The following RBM20 variants were observed in gnomAD, a reference collection of about 807,000 sequenced individuals.
RBM20 encodes the protein RNA binding motif protein 20, also known as RNA-binding protein 20.
In RBM20, 51 loss-of-function variants were observed where a neutral mutation model predicts 110.1. The observed-to-expected ratio is 0.46, with a 90% CI of 0.37 to 0.59. RBM20 has a LOEUF of 0.59. Among genes scored for constraint, RBM20 ranks in the 20% least tolerant of loss-of-function variants. RBM20 has a pLI of 0.00. For missense variants in RBM20, 1,512 were observed against 1,574.9 expected (o/e 0.96, Z 0.68); for synonymous variants, 589 against 618.2 (o/e 0.95, Z 0.70).
At chr10:110,676,927 T>C (rs1477863958) in intron 1 of RBM20, among the ~76,000 whole-genome samples, 2 of 152,268 alleles carry the variant, frequency 1.3e-5, no homozygotes, top group Non-Finnish European at 2.9e-5. Context: ...TTTTAAAATT[T>C]TCAAGTAAGG....
intron 1 of RBM20, among the ~76,000 whole-genome samples, chr10:110,765,965 T>C (rs1163961905): frequency 2.0e-5 from 3 of 152,238 alleles, no homozygotes; most frequent in Admixed American, 1.3e-4. Flanking sequence ...TGGAATTTGA[T>C]ATTTCGAATG....
intron 1 of RBM20, among the ~76,000 whole-genome samples, chr10:110,685,478 G>A (rs1410392539): frequency 6.6e-6 from 1 of 152,138 alleles, no homozygotes; most frequent in Non-Finnish European, 1.5e-5. Context: ...GATAGCTCTG[G>A]CATTTAAACA....
intron 1 of RBM20, among the ~76,000 whole-genome samples, chr10:110,664,592 C>A (rs1467497046): frequency 6.6e-6 from 1 of 151,800 alleles, no homozygotes; most frequent in South Asian, 2.1e-4. Flanking sequence ...ACTAAAAATA[C>A]AAAAATTAGC....
chr10:110,740,243 A>T (rs1204046206), intron 1 of RBM20, among the ~76,000 whole-genome samples: 2 of 152,154 alleles, frequency 1.3e-5, no homozygotes, highest in Non-Finnish European at 2.9e-5. Context: ...AGGTGGAGTA[A>T]TGTTGACCTT....
chr10:110,810,816 CGT>C, intron 8 of RBM20, among the ~76,000 whole-genome samples: 2 of 140,708 alleles, frequency 1.4e-5, no homozygotes, highest in African/African-American at 5.2e-5. Flanking sequence ...TGTGTGTGTG[CGT>C]GTGTGCGTGT....
At chr10:110,810,567 C>A (rs1458119244) in intron 8 of RBM20, 105 bp downstream of exon 8, 3 of 729,624 alleles carry the variant, frequency 4.1e-6, no homozygotes, top group Non-Finnish European at 6.7e-6. Flanking sequence ...CCTGTTCTTG[C>A]CCCTACCCCA....
intron 5 of RBM20, among the ~76,000 whole-genome samples, chr10:110,795,748 G>T (rs1844542667): frequency 6.6e-6 from 1 of 152,180 alleles, no homozygotes; most frequent in African/African-American, 2.4e-5. Flanking sequence ...CTTCCACATT[G>T]GGTTGGCTTA....
At chr10:110,748,539 G>A (rs1828769886) in intron 1 of RBM20, among the ~76,000 whole-genome samples, 1 of 152,198 alleles carries the variant, frequency 6.6e-6, no homozygotes, top group Admixed American at 6.5e-5. Context: ...CAGGGAGAAT[G>A]TACTGGACTT....
intron 9 of RBM20, among the ~76,000 whole-genome samples, chr10:110,816,070 T>C (rs894984409): frequency 2.6e-5 from 4 of 152,190 alleles, no homozygotes; most frequent in African/African-American, 9.7e-5. Flanking sequence ...AACTTGGGAA[T>C]GAAGGCAGCA....
Position 110,821,262 on chromosome 10 carries a change from C to G in RBM20, c.2656-13C>G. On this transcript the variant is annotated splice_polypyrimidine_tract_variant and intron_variant, in intron 10 of 13. Transcript: ENST00000369519. ...CAACCACCCTCTGACCTCCATTCTGCATTTTTGTACAGGAACAAGATTGGG... is the reference window on the plus strand; with the variant it reads ...CAACCACCCTCTGACCTCCATTCTGGATTTTTGTACAGGAACAAGATTGGG... 6.5e-7 allele frequency: 1 copy of G among 1,547,208 alleles called. No individual in the cohort carries two copies. Among genetic ancestry groups the G allele is most frequent in the Non-Finnish European group, 8.7e-7 (1 of 1,143,616 alleles).
intron 1 of RBM20, among the ~76,000 whole-genome samples, chr10:110,750,503 G>A (rs1181780499): frequency 5.3e-5 from 8 of 152,242 alleles, no homozygotes; most frequent in African/African-American, 7.2e-5. Flanking sequence ...AAGGAAGAAC[G>A]CGTGGGGAAG....
At chr10:110,778,389 A>G (rs1265218161) in intron 1 of RBM20, among the ~76,000 whole-genome samples, 1 of 152,228 alleles carries the variant, frequency 6.6e-6, no homozygotes, top group Non-Finnish European at 1.5e-5. Flanking sequence ...GGTGTGCCTG[A>G]TGTTCTGGGA....
chr10:110,653,724 T>G (rs1861983296), intron 1 of RBM20, among the ~76,000 whole-genome samples: 1 of 152,032 alleles, frequency 6.6e-6, no homozygotes, highest in Non-Finnish European at 1.5e-5. Flanking sequence ...CTCTCCTAAT[T>G]TTTGTATTTT....
intron 9 of RBM20, among the ~76,000 whole-genome samples, chr10:110,818,291 C>CAA (rs11430112): frequency 0.076 from 4,244 of 56,162 alleles, 144 homozygotes; most frequent in African/African-American, 0.11. Context: ...AACTCCATCT[C>CAA]AAAAAAAAAA....
rs183696893 is a variant in RBM20, at chr10:110,727,000, C to T, written c.192-53801C>T. On this transcript the variant is annotated intron_variant, in intron 1 of 13. Transcript: ENST00000369519. ...TAGCTGGTATCACAGGTGCCCACCA[C>T]ACTGCCCGGCTGATTTTTTGTGTTT... Among the ~76,000 whole-genome samples, 440 of 152,154 alleles carry T rather than the reference C, an allele frequency of 2.9e-3. 6 individuals are homozygous for T. The highest frequency in any genetic ancestry group is 9.7e-3 in the African/African-American group (404 of 41,506).
intron 1 of RBM20, among the ~76,000 whole-genome samples, chr10:110,735,624 C>A (rs548576733): frequency 6.6e-6 from 1 of 152,132 alleles, no homozygotes; most frequent in Non-Finnish European, 1.5e-5. Flanking sequence ...ATGAGTCCAT[C>A]GGAAGGATAC....
chr10:110,665,861 C>T (rs1302874205), intron 1 of RBM20, among the ~76,000 whole-genome samples: 3 of 151,822 alleles, frequency 2.0e-5, no homozygotes, highest in African/African-American at 7.3e-5. Context: ...GGCTCATGGT[C>T]GTCCAGCACT....
intron 7 of RBM20, among the ~76,000 whole-genome samples, chr10:110,802,993 T>C (rs531569643): frequency 4.3e-4 from 65 of 152,324 alleles, no homozygotes; most frequent in African/African-American, 1.5e-3. Context: ...TTTTTTTTCA[T>C]ACATTATCTT....
intron 1 of RBM20, among the ~76,000 whole-genome samples, chr10:110,663,318 G>A (rs563675352): frequency 3.9e-5 from 6 of 152,202 alleles, no homozygotes; most frequent in Admixed American, 6.5e-5. Context: ...ACCCTGATAC[G>A]TAGAACACAG....
Sources: gnomAD v4.1 joint callset for allele counts (sites outside exome capture counted in the v4.1 genomes callset) on GRCh38, gnomAD v4.1.1 for gene constraint, MANE v1.5 for transcripts, NCBI Gene and HGNC (gene_info 2026-07-23, HGNC 2026-07-21) for gene names.